SOX10: variants seen among roughly 807,000 people sequenced by gnomAD.
The protein encoded by SOX10 is transcription factor SOX-10.
SOX10 carries 3 observed loss-of-function variants against 35.0 expected under a neutral mutation model. The observed-to-expected ratio is 0.09, with a 90% confidence interval of 0.04 to 0.22. The LOEUF (loss-of-function observed/expected upper bound fraction) is 0.22, where lower values mean the gene tolerates loss of function less well. SOX10 is among the 10% of genes least tolerant of loss of function. The pLI is 1.00. For synonymous variants in SOX10, 285 were observed against 291.0 expected (o/e 0.98, Z 0.21); for missense variants, 436 against 655.1 (o/e 0.67, Z 3.65).
At position 37,974,357 on chromosome 22, in the gene SOX10, GT is replaced by G. The variant is rs929834035; in HGVS notation, c.698-160del. On this transcript the variant is annotated intron_variant, in intron 3 of 3. Coordinates refer to ENST00000396884, the MANE Select transcript of SOX10 (RefSeq NM_006941.4). The surrounding 1 kb of genome is among the most constrained non-coding windows in gnomAD (Gnocchi z 5.4). ...GGCAGCATGAGTCGGGTTTTTTTTT[GT>G]TTTTTTTTTTTGAGATGGAGTTTCG... 1.2e-3 allele frequency among the ~76,000 whole-genome samples: 175 copies of G among 141,760 alleles called. 1 individual carries two copies. The highest frequency in any genetic ancestry group is 3.9e-3 in the African/African-American group (151 of 38,438). 93.0% of individuals were successfully genotyped at this position (141,760 alleles called of 152,430 possible). A position where few individuals can be genotyped will look rare whatever the true frequency, so the allele number is the denominator to read the frequency against.
chr22:37,974,234 G>C lies in SOX10; in HGVS notation c.698-36C>G, dbSNP rs769640076. ...GGGAGACAGAGAGAGAGAGCGCAAG[G>C]GGGAAGCAGGTTAGAGGCAGGTGGG... is the stretch of plus-strand genomic sequence containing the variant. On this transcript the variant is annotated intron_variant, in intron 3 of 3. Transcript: ENST00000396884. The surrounding 1 kb of genome is among the most constrained non-coding windows in gnomAD (Gnocchi z 5.4). 4 of 1,531,444 alleles carry C rather than the reference G, an allele frequency of 2.6e-6. No individual in the cohort carries two copies. Among genetic ancestry groups the C allele is most frequent in the East Asian group, 2.3e-5 (1 of 44,290 alleles). The allele number at this position is 1,531,444 out of a possible 1,614,324, so 94.9% of individuals were successfully genotyped here. A position where few individuals can be genotyped will look rare whatever the true frequency, so the allele number is the denominator to read the frequency against.
Position 37,983,199 on chromosome 22 carries a change from G to C in SOX10, c.428+158C>G, listed in dbSNP as rs976544962. On this transcript the variant is annotated intron_variant, in intron 2 of 3. Coordinates refer to ENST00000396884, the MANE Select transcript of SOX10 (RefSeq NM_006941.4). The surrounding 1 kb of genome is among the most constrained non-coding windows in gnomAD (Gnocchi z 9.5). ...TCCGAGTTCCAGGGTCCTTGTGATGGAAGGGCGGGCGCGGCCCCCACACCT... is the reference window on the plus strand; with the variant it reads ...TCCGAGTTCCAGGGTCCTTGTGATGCAAGGGCGGGCGCGGCCCCCACACCT... 1.3e-5 allele frequency among the ~76,000 whole-genome samples: 2 copies of C among 152,244 alleles called. No homozygotes were observed. The highest frequency in any genetic ancestry group is 4.8e-5 in the African/African-American group (2 of 41,470).
rs1483405560 is a variant in SOX10, at chr22:37,980,108, G to A, written c.429-1973C>T. On this transcript the variant is annotated intron_variant, in intron 2 of 3. Transcript: ENST00000396884. The surrounding 1 kb of genome is among the most constrained non-coding windows in gnomAD (Gnocchi z 4.1). Reference sequence around the variant, plus strand: ...GCTTTCTCAGAGGGTCCCTCCAGCCGAGACTCTGTCAGAGTCAGTGTACAC... The same window carrying A: ...GCTTTCTCAGAGGGTCCCTCCAGCCAAGACTCTGTCAGAGTCAGTGTACAC... 2.0e-5 allele frequency among the ~76,000 whole-genome samples: 3 copies of A among 152,066 alleles called. No individual in the cohort carries two copies. Among genetic ancestry groups the A allele is most frequent in the Non-Finnish European group, 2.9e-5 (2 of 68,012 alleles).
At position 37,983,343 on chromosome 22, in the gene SOX10, G is replaced by A. The variant is rs1244743750; in HGVS notation, c.428+14C>T. Reference sequence around the variant, plus strand: ...GCTAGAGGGCCCGAGCCCGGGGGGCGGTCGGGTGCTCACCTCCAGAGCTTG... The same window carrying A: ...GCTAGAGGGCCCGAGCCCGGGGGGCAGTCGGGTGCTCACCTCCAGAGCTTG... On this transcript the variant is annotated intron_variant, in intron 2 of 3. Coordinates refer to ENST00000396884, the MANE Select transcript of SOX10 (RefSeq NM_006941.4). This position sits in a 1 kb window ranked among gnomAD's most constrained non-coding sequence, Gnocchi z 9.5. 6.2e-7 allele frequency: 1 copy of A among 1,601,356 alleles called. No homozygotes were observed. The highest frequency in any genetic ancestry group is 1.1e-5 in the South Asian group (1 of 89,520).
rs980268427 is a variant in SOX10, at chr22:37,983,086, A to T, written c.428+271T>A. Among the ~76,000 whole-genome samples the T allele has an allele frequency of 6.6e-6, 1 of 152,114 alleles. No individual in the cohort carries two copies. The highest frequency in any genetic ancestry group is 2.4e-5 in the African/African-American group (1 of 41,432). Reference sequence around the variant, plus strand: ...CCCTCCCTCCAAAGCCCCAGGCCCCACGGTCTGCCACCCGCAAAATTCCAA... The same window carrying T: ...CCCTCCCTCCAAAGCCCCAGGCCCCTCGGTCTGCCACCCGCAAAATTCCAA... On this transcript the variant is annotated intron_variant, in intron 2 of 3. Transcript: ENST00000396884. This position sits in a 1 kb window ranked among gnomAD's most constrained non-coding sequence, Gnocchi z 9.5.
Position 37,974,011 on chromosome 22 carries a change from A to C in SOX10, c.885T>G (p.Ala295=), listed in dbSNP as rs1932145649. 1.9e-6 allele frequency: 3 copies of C among 1,613,666 alleles called. No individual in the cohort carries two copies. The highest frequency in any genetic ancestry group is 2.7e-5 in the African/African-American group (2 of 74,936). ...TGGGCGGCAGGTACTGGTCCAACTC[A>C]GCCACATCAAAGGTCTCCATGTTGG... ...VMSNMETFDV[A]ELDQYLPPNG... The change falls in exon 4 of 4, where the codon GCT becomes GCG. Residue 295 remains alanine (A), a synonymous_variant. Coordinates refer to ENST00000396884, the MANE Select transcript of SOX10 (RefSeq NM_006941.4). This position sits in a 1 kb window ranked among gnomAD's most constrained non-coding sequence, Gnocchi z 5.4.
At position 37,978,112 on chromosome 22, in the gene SOX10, C is replaced by T. The variant is rs1373797370; in HGVS notation, c.452G>A (p.Arg151His). The change falls in exon 3 of 4, where the codon CGC (arginine) becomes CAC (histidine). Residue 151 changes from arginine to histidine, a missense_variant. Around this residue, in one of 3 missense-constraint regions of SOX10, gnomAD observed 54 missense variants for 156.7 expected, o/e 0.34. Transcript: ENST00000396884. The surrounding 1 kb of genome is among the most constrained non-coding windows in gnomAD (Gnocchi z 5.0). ...CCGCTCAGCCTCCTCGATGAAGGGG[C>T]GCTTGTCACTTTCGTTCAGCAGCCT... ...LWRLLNESDK[R>H]PFIEEAERLR... 5 of 1,580,646 alleles carry T rather than the reference C, an allele frequency of 3.2e-6. No homozygotes were observed. The highest frequency in any genetic ancestry group is 1.7e-5 in the Admixed American group (1 of 57,908).
intron 2 of SOX10, among the ~76,000 whole-genome samples, chr22:37,982,392 C>T (rs752367510): frequency 1.3e-5 from 2 of 152,150 alleles, no homozygotes; most frequent in Non-Finnish European, 2.9e-5. Flanking sequence ...CTGGCACTCC[C>T]GGGTGGGAGT....
intron 3 of SOX10, 49 bp downstream of exon 3, chr22:37,977,818 C>T: frequency 6.4e-7 from 1 of 1,573,428 alleles, no homozygotes; most frequent in South Asian, 1.1e-5. Context: ...CATCTCCTGT[C>T]TCCACTGACT....
Position 37,973,020 on chromosome 22 carries a change from C to T in SOX10, c.*475G>A, listed in dbSNP as rs139883. ...CCTGAGTGGGAGACACGGCCAGCTC[C>T]GGGCACAGTCTCTGGGTGGCCTAGC... On this transcript the variant is annotated 3_prime_UTR_variant, in exon 4 of 4. Coordinates refer to ENST00000396884, the MANE Select transcript of SOX10 (RefSeq NM_006941.4). 0.59 allele frequency: 93,085 copies of T among 156,852 alleles called. 27,906 individuals carry two copies. Among genetic ancestry groups the T allele is most frequent in the East Asian group, 0.75 (3,947 of 5,282 alleles). 9.7% of individuals were successfully genotyped at this position (156,852 alleles called of 1,614,324 possible).
At chr22:37,977,488 T>G (rs887983486) in intron 3 of SOX10, among the ~76,000 whole-genome samples, 2 of 151,020 alleles carry the variant, frequency 1.3e-5, no homozygotes, top group East Asian at 4.0e-4. Context: ...GCCCAGCTAA[T>G]TTTTTTTATT....
chr22:37,980,619 A>G lies in SOX10; in HGVS notation c.429-2484T>C. On this transcript the variant is annotated intron_variant, in intron 2 of 3. Coordinates refer to ENST00000396884, the MANE Select transcript of SOX10 (RefSeq NM_006941.4). The surrounding 1 kb of genome is among the most constrained non-coding windows in gnomAD (Gnocchi z 4.1). Reference sequence around the variant, plus strand: ...TGCCCACCATGTAAACCCAATCTCCAGCACCAGTCCCCACTCAACATTACC... The same window carrying G: ...TGCCCACCATGTAAACCCAATCTCCGGCACCAGTCCCCACTCAACATTACC... Among the ~76,000 whole-genome samples, 1 of 151,950 alleles carries G rather than the reference A, an allele frequency of 6.6e-6. No individual in the cohort carries two copies. Among genetic ancestry groups the G allele is most frequent in the East Asian group, 1.9e-4 (1 of 5,188 alleles).
intron 3 of SOX10, among the ~76,000 whole-genome samples, chr22:37,976,158 C>T (rs575193367): frequency 2.0e-5 from 3 of 152,226 alleles, no homozygotes; most frequent in Admixed American, 1.3e-4. Context: ...AGGAGGCAGA[C>T]GTTGCAGTGA....
rs549071003 is a variant in SOX10 at position 37,974,788 on chromosome 22, C to T, written c.698-590G>A. Among the ~76,000 whole-genome samples, 4 of 152,352 alleles carry T rather than the reference C, an allele frequency of 2.6e-5. No homozygotes were observed. The highest frequency in any genetic ancestry group is 9.6e-5 in the African/African-American group (4 of 41,580). On this transcript the variant is annotated intron_variant, in intron 3 of 3. Coordinates refer to ENST00000396884, the MANE Select transcript of SOX10 (RefSeq NM_006941.4). The surrounding 1 kb of genome is among the most constrained non-coding windows in gnomAD (Gnocchi z 5.4). ...TGTGGAAAGTTCTTCCTCTCATCAG[C>T]TTCTCTGCTGTCCAGGTGGTCTGGC...
chr22:37,974,711 A>G lies in SOX10; in HGVS notation c.698-513T>C, dbSNP rs1251844134. On this transcript the variant is annotated intron_variant, in intron 3 of 3. Coordinates refer to ENST00000396884, the MANE Select transcript of SOX10 (RefSeq NM_006941.4). This position sits in a 1 kb window ranked among gnomAD's most constrained non-coding sequence, Gnocchi z 5.4. ...CTCTAGTTGTTTATGAAATTCTCAA[A>G]TCTTAGGGATGGGTCCTGGGGAGGC... 6.6e-6 allele frequency among the ~76,000 whole-genome samples: 1 copy of G among 152,098 alleles called. No individual in the cohort carries two copies. Among genetic ancestry groups the G allele is most frequent in the Non-Finnish European group, 1.5e-5 (1 of 68,010 alleles).
chr22:37,978,782 CT>C lies in SOX10; in HGVS notation c.429-648del, dbSNP rs1218261959. 5.3e-5 allele frequency among the ~76,000 whole-genome samples: 8 copies of C among 149,612 alleles called. No individual in the cohort carries two copies. The highest frequency in any genetic ancestry group is 6.0e-5 in the Non-Finnish European group (4 of 67,188). ...GAGGAAGAGGTGCTTTTCTTTCTTT[CT>C]TTTTTTTTTCTGTGAGGGAATCTCA... On this transcript the variant is annotated intron_variant, in intron 2 of 3. Coordinates refer to ENST00000396884, the MANE Select transcript of SOX10 (RefSeq NM_006941.4). The surrounding 1 kb of genome is among the most constrained non-coding windows in gnomAD (Gnocchi z 5.0).
rs1408187759 is a variant in SOX10, at chr22:37,980,989, A to T, written c.428+2368T>A. Among the ~76,000 whole-genome samples, 1 of 152,144 alleles carries T rather than the reference A, an allele frequency of 6.6e-6. No individual in the cohort carries two copies. Among genetic ancestry groups the T allele is most frequent in the Non-Finnish European group, 1.5e-5 (1 of 68,024 alleles). The stretch of plus-strand genomic sequence containing the variant: ...GGCTCTGGTTCTTTCCAGGCAGATC[A>T]GCCAACCCACAGGCACCACCCTGTG... On this transcript the variant is annotated intron_variant, in intron 2 of 3. Coordinates refer to ENST00000396884, the MANE Select transcript of SOX10 (RefSeq NM_006941.4). The surrounding 1 kb of genome is among the most constrained non-coding windows in gnomAD (Gnocchi z 4.1).
rs1932119367 is a variant in SOX10, at chr22:37,973,457, C to T, written c.*38G>A. On this transcript the variant is annotated 3_prime_UTR_variant, in exon 4 of 4. Transcript: ENST00000396884. ...AGGAACAGGGCACACAGGCTGGGGG[C>T]AGGGGCTGGGCGGGGGGTGGTGGCG... 7.4e-7 allele frequency: 1 copy of T among 1,348,154 alleles called. No individual in the cohort carries two copies. The highest frequency in any genetic ancestry group is 1.0e-6 in the Non-Finnish European group (1 of 978,218). The allele number at this position is 1,348,154 out of a possible 1,614,324, so 83.5% of individuals were successfully genotyped here.
chr22:37,973,524 G>A lies in SOX10; in HGVS notation c.1372C>T (p.Pro458Ser). ...GGCCGGGACAGTGTCGTATATACTGGCTGCTCCCAGTGTGTGGGGCTGTGG... is the reference window on the plus strand; with the variant it reads ...GGCCGGGACAGTGTCGTATATACTGACTGCTCCCAGTGTGTGGGGCTGTGG... ...QSHSPTHWEQ[P>S]VYTTLSRP Residue 458 changes from proline (P) to serine (S), a missense_variant, in exon 4 of 4, where the codon CCA becomes TCA. This residue lies in a region of SOX10 where 285 missense variants were observed against 402.9 expected (regional missense o/e 0.71). Transcript: ENST00000396884. 6.2e-7 allele frequency: 1 copy of A among 1,609,632 alleles called. No individual in the cohort carries two copies. Among genetic ancestry groups the A allele is most frequent in the South Asian group, 1.1e-5 (1 of 90,920 alleles).
Sources: allele counts gnomAD v4.1 joint callset (sites outside exome capture counted in the v4.1 genomes callset), GRCh38; gene constraint gnomAD v4.1.1; regional missense constraint gnomAD v4.1.1; non-coding constraint Gnocchi (gnomAD v3.1); transcripts MANE v1.5; gene names NCBI Gene and HGNC (gene_info 2026-07-23, HGNC 2026-07-21).